MBOAT1: variants seen among roughly 807,000 people sequenced by gnomAD.
The protein encoded by MBOAT1 is membrane bound glycerophospholipid O-acyltransferase 1, also known as membrane-bound glycerophospholipid O-acyltransferase 1.
MBOAT1 carries 67 observed loss-of-function variants against 64.4 expected under a neutral mutation model. The observed-to-expected ratio is 1.04, with a 90% CI of 0.85 to 1.27. The LOEUF (loss-of-function observed/expected upper bound fraction) is 1.27, where lower values mean the gene tolerates loss of function less well. MBOAT1 is among the 50% of genes most tolerant of loss of function. The pLI is 0.00. For synonymous variants in MBOAT1, 229 were observed against 218.9 expected (o/e 1.05, Z -0.41); for missense variants, 563 against 604.6 (o/e 0.93, Z 0.72).
At chr6:20,146,617 G>A (rs1478577744) in intron 3 of MBOAT1, among the ~76,000 whole-genome samples, 1 of 152,162 alleles carries the variant, frequency 6.6e-6, no homozygotes, top group Admixed American at 6.5e-5. Context: ...GAAACGCAAA[G>A]CAGACTCAAA....
chr6:20,102,484 A>C, intron 12 of MBOAT1, 72 bp from the exon 13 acceptor site: 1 of 1,309,100 alleles, frequency 7.6e-7, no homozygotes, highest in Non-Finnish European at 1.1e-6. Context: ...TAATTATATC[A>C]CCTACAGTAT....
chr6:20,171,401 A>C (rs1435629044), intron 1 of MBOAT1, among the ~76,000 whole-genome samples: 2 of 145,852 alleles, frequency 1.4e-5, no homozygotes, highest in Non-Finnish European at 3.0e-5. Flanking sequence ...AAAAAAAAAA[A>C]AACTAGCCGG....
rs145225582 is a variant in MBOAT1, at chr6:20,102,702, C to T, written c.1362-290G>A. On this transcript the variant is annotated intron_variant, in intron 12 of 12. Transcript: ENST00000324607. The stretch of plus-strand genomic sequence containing the variant: ...TAACAGGCTAACCAACAGAATTAAC[C>T]CCACGACAGCCAGACACCCCCAATA... 2.5e-3 allele frequency among the ~76,000 whole-genome samples: 379 copies of T among 152,246 alleles called. 5 individuals are homozygous for T. The highest frequency in any genetic ancestry group is 8.1e-3 in the African/African-American group (336 of 41,518).
rs1194209932 is a variant in MBOAT1, at chr6:20,101,201, T to C, written c.*1085A>G. On this transcript the variant is annotated 3_prime_UTR_variant, in exon 13 of 13. Transcript: ENST00000324607. ...CTGCTGCCTTTCTGAGGCATGAACATTTGGGTGTCTTCTCAAGACCAACCC... is the reference window on the plus strand; with the variant it reads ...CTGCTGCCTTTCTGAGGCATGAACACTTGGGTGTCTTCTCAAGACCAACCC... Among the ~76,000 whole-genome samples the C allele has an allele frequency of 6.6e-6, 1 of 152,168 alleles. No individual in the cohort carries two copies.
chr6:20,152,385 A>AT lies in MBOAT1; in HGVS notation c.245+238dup, dbSNP rs752945297. Reference sequence around the variant, plus strand: ...AATAAATTAATTAATTAATTAATTAATTAAAAAAAAGAAAAAGTGAACTAT... The same window carrying AT: ...AATAAATTAATTAATTAATTAATTAATTTAAAAAAAAGAAAAAGTGAACTAT... On this transcript the variant is annotated intron_variant, in intron 2 of 12. Transcript: ENST00000324607. Among the ~76,000 whole-genome samples, 42 of 143,160 alleles carry AT rather than the reference A, an allele frequency of 2.9e-4. 1 individual carries two copies. Among genetic ancestry groups the AT allele is most frequent in the African/African-American group, 1.0e-3 (39 of 37,866 alleles). The allele number at this position is 143,160 out of a possible 152,430, so 93.9% of individuals were successfully genotyped here.
chr6:20,145,992 T>C (rs1165083290), intron 3 of MBOAT1, among the ~76,000 whole-genome samples: 2 of 152,212 alleles, frequency 1.3e-5, no homozygotes, highest in Non-Finnish European at 2.9e-5. Context: ...TTAGAATTAT[T>C]TGTGTATGTG....
chr6:20,184,299 A>G (rs1762588088), intron 1 of MBOAT1, among the ~76,000 whole-genome samples: 1 of 152,132 alleles, frequency 6.6e-6, no homozygotes, highest in African/African-American at 2.4e-5. Flanking sequence ...AGCTAGTACC[A>G]AGGTTGGTAA....
intron 12 of MBOAT1, 119 bp from the exon 13 acceptor site, chr6:20,102,531 T>C (rs1759832215): frequency 2.0e-5 from 15 of 757,788 alleles, no homozygotes; most frequent in Admixed American, 8.3e-5. Flanking sequence ...GTAGGAGGCC[T>C]GTCTACACTC....
intron 1 of MBOAT1, among the ~76,000 whole-genome samples, chr6:20,155,401 C>T (rs992295025): frequency 1.4e-5 from 2 of 142,880 alleles, no homozygotes; most frequent in South Asian, 4.4e-4. Flanking sequence ...GGAAACAACA[C>T]GATTAACCTA....
chr6:20,114,945 T>G (rs1021237734), intron 10 of MBOAT1, among the ~76,000 whole-genome samples: 2 of 152,088 alleles, frequency 1.3e-5, no homozygotes, highest in Non-Finnish European at 2.9e-5. Flanking sequence ...ATCTATCCCT[T>G]CACTGGGTGA....
chr6:20,145,019 C>T (rs1401345172), intron 3 of MBOAT1, among the ~76,000 whole-genome samples: 1 of 152,190 alleles, frequency 6.6e-6, no homozygotes, highest in Admixed American at 6.5e-5. Context: ...GCCACACAAA[C>T]ACACACATCC....
At chr6:20,174,822 T>C (rs540650645) in intron 1 of MBOAT1, among the ~76,000 whole-genome samples, 37 of 152,326 alleles carry the variant, frequency 2.4e-4, no homozygotes, top group African/African-American at 8.4e-4. Flanking sequence ...TCCACACTGA[T>C]TGCAAATTGT....
intron 3 of MBOAT1, among the ~76,000 whole-genome samples, chr6:20,147,764 GA>G (rs898753099): frequency 1.3e-5 from 2 of 151,326 alleles, no homozygotes; most frequent in East Asian, 1.9e-4. Context: ...ATTTCAGAAA[GA>G]AAAAAAACTA....
chr6:20,102,307 AAT>A lies in MBOAT1; in HGVS notation c.1465_1466del (p.Ile489Ter). On this transcript the variant is annotated frameshift_variant, in exon 13 of 13. Transcript: ENST00000324607. LOFTEE classifies it high-confidence loss of function. ...TQRRPQTLNS[I>X]NKRKTD Reference sequence around the variant, plus strand: ...GGTATCAATCTGTTTTTCTCTTATTAATAGAGTTCAGAGTCTGAGGCCGCCTT... The same window carrying A: ...GGTATCAATCTGTTTTTCTCTTATTAAGAGTTCAGAGTCTGAGGCCGCCTT... 6.2e-7 allele frequency: 1 copy of A among 1,613,722 alleles called. No individual in the cohort carries two copies. Among genetic ancestry groups the A allele is most frequent in the Non-Finnish European group, 8.5e-7 (1 of 1,179,886 alleles).
At chr6:20,184,851 TACCTATATGTACCTA>T (rs548676679) in intron 1 of MBOAT1, among the ~76,000 whole-genome samples, 60 of 150,920 alleles carry the variant, frequency 4.0e-4, no homozygotes, top group African/African-American at 1.4e-3. Flanking sequence ...ACCTCTATAC[TACCTATATGTACCTA>T]ACATTATAAC....
intron 1 of MBOAT1, among the ~76,000 whole-genome samples, chr6:20,168,503 G>C (rs1289957490): frequency 3.4e-4 from 25 of 74,126 alleles, no homozygotes; most frequent in African/African-American, 2.4e-3. Flanking sequence ...GAGAGAGAGA[G>C]AGAGGAGAGG....
At chr6:20,162,750 CCTCTCAAGATCTCA>C (rs1335304115) in intron 1 of MBOAT1, among the ~76,000 whole-genome samples, 2 of 152,142 alleles carry the variant, frequency 1.3e-5, no homozygotes, top group African/African-American at 4.8e-5. Flanking sequence ...CCTGCAGTGG[CCTCTCAAGATCTCA>C]TTCTTGTACA....
At chr6:20,143,288 TCCATAG>T (rs1042235266) in intron 4 of MBOAT1, among the ~76,000 whole-genome samples, 2 of 152,212 alleles carry the variant, frequency 1.3e-5, no homozygotes, top group African/African-American at 4.8e-5. Context: ...CAGTTTTCCA[TCCATAG>T]TCTTTACCAT....
intron 4 of MBOAT1, among the ~76,000 whole-genome samples, chr6:20,141,739 C>A (rs1241177482): frequency 1.3e-5 from 2 of 151,898 alleles, no homozygotes; most frequent in Non-Finnish European, 2.9e-5. Context: ...CGGGGCAGGG[C>A]AAAAGGAAGG....
Sources: allele counts gnomAD v4.1 joint callset (sites outside exome capture counted in the v4.1 genomes callset), GRCh38; gene constraint gnomAD v4.1.1; transcripts MANE v1.5; gene names NCBI Gene and HGNC (gene_info 2026-07-23, HGNC 2026-07-21).